The following SDK1 variants were observed in gnomAD, a reference collection of about 807,000 sequenced individuals.
SDK1 encodes protein sidekick-1.
Under a neutral mutation model 245.5 loss-of-function variants are expected in SDK1, and 157 were observed. The ratio of observed to expected loss-of-function variants is 0.64; its 90% CI spans 0.56 to 0.73. The LOEUF (loss-of-function observed/expected upper bound fraction) is 0.73. Among genes scored for constraint, SDK1 ranks in the 30% least tolerant of loss-of-function variants. The pLI is 0.00. For missense variants in SDK1, 3,583 were observed against 3,002.3 expected, an observed-to-expected ratio of 1.19 and a Z score of -4.52; for synonymous variants, 1,647 against 1,278.5, an observed-to-expected ratio of 1.29 and a Z score of -6.15.
chr7:3,679,297 T>C (rs1203306598), intron 4 of SDK1, among the ~76,000 whole-genome samples: 1 of 152,204 alleles, frequency 6.6e-6, no homozygotes, highest in Non-Finnish European at 1.5e-5. Flanking sequence ...CCAGGTGCGG[T>C]GGCTCATGCC....
intron 18 of SDK1, among the ~76,000 whole-genome samples, chr7:4,050,418 T>C (rs1045416439): frequency 2.0e-5 from 3 of 152,256 alleles, no homozygotes; most frequent in African/African-American, 4.8e-5. Context: ...TTTTGCCTTC[T>C]TCCCTCTCCT....
chr7:3,380,419 C>G (rs1031115853), intron 1 of SDK1, among the ~76,000 whole-genome samples: 10 of 152,170 alleles, frequency 6.6e-5, no homozygotes, highest in Non-Finnish European at 1.3e-4. Flanking sequence ...TTAAGAGTTA[C>G]AGAAAAGCTA....
chr7:3,998,555 A>G (rs368990549), intron 14 of SDK1, among the ~76,000 whole-genome samples: 4 of 152,180 alleles, frequency 2.6e-5, no homozygotes, highest in African/African-American at 9.6e-5. Flanking sequence ...GCTTTTGGGA[A>G]TTCATGCATT....
rs139001158 is a variant in SDK1, at chr7:3,684,135, A to G, written c.713+42030A>G. ...TCCCTGCTCAGCAGTGACAGGTGGT[A>G]CACTGATCCCTGCAACCCGTGCAGT... On this transcript the variant is annotated intron_variant, in intron 4 of 44. Transcript: ENST00000404826. 3.9e-5 allele frequency among the ~76,000 whole-genome samples: 6 copies of G among 152,304 alleles called. No individual in the cohort carries two copies. In the East Asian group the frequency reaches 1.2e-3, roughly 29 times the overall value.
At chr7:3,798,272 C>T (rs1258530149) in intron 4 of SDK1, among the ~76,000 whole-genome samples, 1 of 134,786 alleles carries the variant, frequency 7.4e-6, no homozygotes, top group African/African-American at 2.9e-5. Flanking sequence ...GGCTGGAGTG[C>T]AGTGGCGCGA....
At chr7:3,905,224 G>A (rs990679651) in intron 5 of SDK1, among the ~76,000 whole-genome samples, 3 of 151,046 alleles carry the variant, frequency 2.0e-5, no homozygotes, top group South Asian at 2.1e-4. Flanking sequence ...GTTATACCAC[G>A]GTTTATTCTG....
chr7:3,509,074 G>A (rs1782492999), intron 1 of SDK1, among the ~76,000 whole-genome samples: 1 of 142,754 alleles, frequency 7.0e-6, no homozygotes, highest in Admixed American at 7.2e-5. Context: ...TGGGGTGTGT[G>A]TGTGTGTGTG....
chr7:3,978,754 A>G (rs1028552848), intron 13 of SDK1, among the ~76,000 whole-genome samples: 2 of 152,192 alleles, frequency 1.3e-5, no homozygotes, highest in Admixed American at 6.5e-5. Context: ...CCAAAAAAAA[A>G]GCAAGAGAAA....
At chr7:4,129,753 G>T in intron 26 of SDK1, 155 bp from the exon 27 acceptor site, 1 of 1,451,278 alleles carries the variant, frequency 6.9e-7, no homozygotes, top group Non-Finnish European at 9.0e-7. Context: ...ATGCCAGCAT[G>T]GACAAATTAG....
chr7:3,699,710 G>A (rs1435549355), intron 4 of SDK1, among the ~76,000 whole-genome samples: 2 of 152,118 alleles, frequency 1.3e-5, no homozygotes, highest in Non-Finnish European at 2.9e-5. Flanking sequence ...GGGTAGAGTT[G>A]AAGAATTATT....
intron 1 of SDK1, among the ~76,000 whole-genome samples, chr7:3,364,602 G>A (rs1173196364): frequency 6.6e-6 from 1 of 152,018 alleles, no homozygotes; most frequent in Non-Finnish European, 1.5e-5. Flanking sequence ...CTGTTCATCT[G>A]TTTTTGCATT....
At chr7:4,000,429 C>G (rs536728907) in intron 14 of SDK1, among the ~76,000 whole-genome samples, 1 of 152,230 alleles carries the variant, frequency 6.6e-6, no homozygotes, top group East Asian at 1.9e-4. Context: ...TCTCTGAGTC[C>G]CAGTGCCTCT....
At chr7:3,412,483 G>T (rs1195900957) in intron 1 of SDK1, among the ~76,000 whole-genome samples, 1 of 152,180 alleles carries the variant, frequency 6.6e-6, no homozygotes, top group Non-Finnish European at 1.5e-5. Flanking sequence ...ACTGCAAAAT[G>T]TTCCTTTATG....
chr7:4,237,612 C>T, intron 41 of SDK1, 35 bp from the exon 42 acceptor site: 2 of 1,613,650 alleles, frequency 1.2e-6, no homozygotes, highest in Non-Finnish European at 1.7e-6. Flanking sequence ...GGAGCGTCTG[C>T]CCCATGTCAT....
intron 4 of SDK1, among the ~76,000 whole-genome samples, chr7:3,754,851 TG>T (rs1383432028): frequency 6.6e-6 from 1 of 152,182 alleles, no homozygotes; most frequent in Non-Finnish European, 1.5e-5. Flanking sequence ...TCAAAAGTTT[TG>T]GTGGTTTTGA....
chr7:3,908,765 G>A (rs963730831), intron 5 of SDK1, among the ~76,000 whole-genome samples: 1 of 152,050 alleles, frequency 6.6e-6, no homozygotes, highest in African/African-American at 2.4e-5. Flanking sequence ...TGTGTCTCCC[G>A]GATGTCTAGA....
At chr7:3,942,293 C>T (rs754593026) in intron 5 of SDK1, among the ~76,000 whole-genome samples, 4 of 152,144 alleles carry the variant, frequency 2.6e-5, no homozygotes, top group Non-Finnish European at 5.9e-5. Flanking sequence ...ATAAGACATG[C>T]GTCCCTCCTT....
intron 5 of SDK1, among the ~76,000 whole-genome samples, chr7:3,947,509 C>T (rs1261423161): frequency 7.1e-6 from 1 of 141,190 alleles, no homozygotes; most frequent in Admixed American, 7.2e-5. Flanking sequence ...ATTGCCTTTC[C>T]TTTTAAAAAG....
intron 9 of SDK1, among the ~76,000 whole-genome samples, chr7:3,964,553 C>T (rs1483482655): frequency 2.0e-5 from 3 of 152,062 alleles, no homozygotes; most frequent in Admixed American, 1.3e-4. Context: ...AACAGAAATA[C>T]CTTGGCTCTC....
Sources: gnomAD v4.1 joint callset for allele counts (sites outside exome capture counted in the v4.1 genomes callset) on GRCh38, gnomAD v4.1.1 for gene constraint, MANE v1.5 for transcripts, NCBI Gene and HGNC (gene_info 2026-07-23, HGNC 2026-07-21) for gene names.